Variants in KLF8 observed in about 807,000 individuals in gnomAD.
KLF8 encodes KLF transcription factor 8, also known as Krueppel-like factor 8.
A neutral mutation model predicts 18.2 loss-of-function variants in KLF8; 10 were observed. That is an observed-to-expected ratio of 0.55 (90% CI 0.34 to 0.93). KLF8 has a LOEUF of 0.93. Among genes scored for constraint, KLF8 ranks in the 40% least tolerant of loss-of-function variants. The pLI is 0.02. For missense variants in KLF8, 264 were observed against 277.9 expected, an observed-to-expected ratio of 0.95 and a Z score of 0.36; for synonymous variants, 109 against 97.3, an observed-to-expected ratio of 1.12 and a Z score of -0.71.
the KLF8 span, among the ~76,000 whole-genome samples, chrX:55,952,658 A>G: frequency 8.9e-6 from 1 of 112,058 alleles, no homozygotes; most frequent in Admixed American, 9.5e-5. Flanking sequence ...CATCTGTAAA[A>G]TTCCTTTGGA....
the KLF8 span, among the ~76,000 whole-genome samples, chrX:56,191,774 A>G: frequency 9.0e-6 from 1 of 111,475 alleles, no homozygotes; most frequent in African/African-American, 3.3e-5. Context: ...TAAAAATTCA[A>G]CATAACTTTA....
chrX:56,182,812 C>T, the KLF8 span, among the ~76,000 whole-genome samples: 1 of 112,391 alleles, frequency 8.9e-6, no homozygotes, highest in African/African-American at 3.2e-5. Flanking sequence ...AATGTTGCTG[C>T]CTGTTCCTTC....
the KLF8 span, among the ~76,000 whole-genome samples, chrX:55,952,136 C>T: frequency 9.8e-5 from 11 of 111,776 alleles, no homozygotes; most frequent in East Asian, 2.8e-4. Context: ...ATTTCTCAAA[C>T]GGGAATAATT....
At chrX:55,946,707 A>G in the KLF8 span, among the ~76,000 whole-genome samples, 3 of 111,480 alleles carry the variant, frequency 2.7e-5, no homozygotes, top group Admixed American at 2.9e-4. Flanking sequence ...GCAACCTACA[A>G]AATGGGAGAA....
the KLF8 span, among the ~76,000 whole-genome samples, chrX:55,940,538 C>A: frequency 9.0e-6 from 1 of 111,354 alleles, no homozygotes; most frequent in Non-Finnish European, 1.9e-5. Context: ...GACAATCAGT[C>A]AGGAGAAAGA....
the KLF8 span, among the ~76,000 whole-genome samples, chrX:56,186,920 G>A: frequency 8.9e-5 from 10 of 111,986 alleles, no homozygotes; most frequent in Admixed American, 5.7e-4. Context: ...ACAAGAGAAA[G>A]CAGGAAAGAT....
chrX:56,041,041 A>T, the KLF8 span, among the ~76,000 whole-genome samples: 1 of 106,327 alleles, frequency 9.4e-6, no homozygotes. Flanking sequence ...TTTCTAGTTT[A>T]TGTGCATAGA....
At chrX:55,993,917 T>G in the KLF8 span, among the ~76,000 whole-genome samples, 1 of 106,212 alleles carries the variant, frequency 9.4e-6, no homozygotes, top group Non-Finnish European at 1.9e-5. Flanking sequence ...GAGGTTTTTT[T>G]TTTTTTTTTT....
chrX:56,039,610 C>G, the KLF8 span, among the ~76,000 whole-genome samples: 1 of 111,795 alleles, frequency 8.9e-6, no homozygotes, highest in Admixed American at 9.5e-5. Context: ...GTACCAGTAT[C>G]ATGCTGTTTT....
At chrX:56,032,006 C>A in the KLF8 span, among the ~76,000 whole-genome samples, 1 of 111,033 alleles carries the variant, frequency 9.0e-6, no homozygotes. Flanking sequence ...TGTCTGGAAT[C>A]TATGGATAAC....
chrX:56,041,355 C>A, the KLF8 span, among the ~76,000 whole-genome samples: 3 of 111,428 alleles, frequency 2.7e-5, no homozygotes, highest in African/African-American at 9.8e-5. Context: ...AACTCCTGAC[C>A]TCAGGTGATC....
chrX:56,092,531 C>T, the KLF8 span, among the ~76,000 whole-genome samples: 3 of 111,316 alleles, frequency 2.7e-5, no homozygotes, highest in Non-Finnish European at 5.7e-5. Flanking sequence ...CCCAGCACCA[C>T]TTATTTAAGA....
the KLF8 span, among the ~76,000 whole-genome samples, chrX:55,923,157 T>G: frequency 1.0e-3 from 116 of 110,755 alleles, no homozygotes; most frequent in Non-Finnish European, 1.5e-3. Flanking sequence ...TAAAAAGAGA[T>G]AAGATCACGT....
At chrX:55,952,819 C>A in the KLF8 span, among the ~76,000 whole-genome samples, 5 of 111,854 alleles carry the variant, frequency 4.5e-5, no homozygotes, top group Non-Finnish European at 1.9e-5. Flanking sequence ...ATCACAAATA[C>A]CTAAAGATTA....
intron 2 of KLF8, among the ~76,000 whole-genome samples, chrX:56,252,582 A>T (rs1409160399): frequency 2.7e-5 from 3 of 112,236 alleles, no homozygotes; most frequent in Non-Finnish European, 5.6e-5. Flanking sequence ...ATAGTACTCC[A>T]TTGTGTATCT....
the KLF8 span, among the ~76,000 whole-genome samples, chrX:56,090,496 G>A: frequency 8.9e-6 from 1 of 111,821 alleles, no homozygotes; most frequent in South Asian, 3.7e-4. Flanking sequence ...TTAATAGCTA[G>A]GTAATATATC....
chrX:56,002,112 A>G, the KLF8 span, among the ~76,000 whole-genome samples: 2 of 110,954 alleles, frequency 1.8e-5, no homozygotes, highest in Non-Finnish European at 3.8e-5. Flanking sequence ...TTACCCTCCA[A>G]CTTCATCTTC....
At chrX:56,231,332 G>A (rs2066400153), upstream of KLF8, among the ~76,000 whole-genome samples, 1 of 111,815 alleles carries the variant, frequency 8.9e-6, no homozygotes, top group African/African-American at 3.3e-5. Context: ...CTATGTGTTC[G>A]AAAGTACTGG....
In KLF8 at chrX:56,270,309, A is replaced by C; in HGVS notation, c.886A>C (p.Arg296=). 1 of 1,199,901 alleles carries C rather than the reference A, an allele frequency of 8.3e-7. No individual in the cohort carries two copies. Among genetic ancestry groups the C allele is most frequent in the Non-Finnish European group, 1.1e-6 (1 of 890,550 alleles). ...TKSSHLKAHR[R]IHTGEKPYKC... is the part of the protein sequence containing the mutation. ...AAGCTCTCACCTGAAAGCTCACCGC[A>C]GAATCCATACAGGTCTGCCCACTCC... Residue 296 remains arginine, a synonymous_variant, in exon 5 of 6, where the codon AGA becomes CGA. Transcript: ENST00000468660.
Sources: allele counts gnomAD v4.1 joint callset (sites outside exome capture counted in the v4.1 genomes callset), GRCh38; gene constraint gnomAD v4.1.1; transcripts MANE v1.5; gene names NCBI Gene and HGNC (gene_info 2026-07-23, HGNC 2026-07-21).